ATOSA: variants seen among roughly 807,000 people sequenced by gnomAD.
ATOSA encodes atos homolog protein A.
chr15:52,610,296 A>G, the ATOSA span: 10 of 1,613,928 alleles, frequency 6.2e-6, no homozygotes, highest in African/African-American at 6.7e-5. Flanking sequence ...TCAAGGCAAC[A>G]TTGTGAGAAA....
the ATOSA span, among the ~76,000 whole-genome samples, chr15:52,633,608 A>G: frequency 2.6e-4 from 39 of 152,288 alleles, 2 homozygotes; most frequent in South Asian, 7.9e-3. Flanking sequence ...AGAAATGGAG[A>G]GCAGTGAAAG....
chr15:52,665,717 C>G, the ATOSA span, among the ~76,000 whole-genome samples: 4 of 151,916 alleles, frequency 2.6e-5, no homozygotes, highest in Non-Finnish European at 5.9e-5. Flanking sequence ...TTATACTAGC[C>G]AAAACTTGAA....
chr15:52,708,321 G>A, the ATOSA span, among the ~76,000 whole-genome samples: 3 of 152,122 alleles, frequency 2.0e-5, no homozygotes, highest in South Asian at 2.1e-4. Context: ...TAGCCCCAGT[G>A]TCAAGGCTGC....
chr15:52,709,420 C>A, the ATOSA span, among the ~76,000 whole-genome samples: 1 of 152,112 alleles, frequency 6.6e-6, no homozygotes, highest in Admixed American at 6.6e-5. Context: ...CTGAACTTTA[C>A]CCCAAAGCTC....
chr15:52,692,955 A>T, the ATOSA span, among the ~76,000 whole-genome samples: 14 of 151,966 alleles, frequency 9.2e-5, 1 homozygote, highest in Admixed American at 9.2e-4. Flanking sequence ...CTGGCACAAA[A>T]CTCTCTTACA....
chr15:52,595,023 T>C, the ATOSA span, among the ~76,000 whole-genome samples: 14,278 of 152,234 alleles, frequency 0.094, 1,025 homozygotes, highest in East Asian at 0.35. Flanking sequence ...CTTTCCAACA[T>C]TGCCATGCTC....
the ATOSA span, among the ~76,000 whole-genome samples, chr15:52,634,015 A>G: frequency 6.6e-6 from 1 of 152,196 alleles, no homozygotes; most frequent in Non-Finnish European, 1.5e-5. Context: ...ATAACAAGTT[A>G]AAAATAATGT....
the ATOSA span, chr15:52,609,309 C>T: frequency 6.2e-7 from 1 of 1,613,828 alleles, no homozygotes; most frequent in African/African-American, 1.3e-5. Context: ...AGGACTCATC[C>T]TTATTTTTCT....
chr15:52,591,538 T>G, the ATOSA span, among the ~76,000 whole-genome samples: 1 of 152,222 alleles, frequency 6.6e-6, no homozygotes, highest in East Asian at 1.9e-4. Context: ...TATGAGCCAC[T>G]GTGCCTGGCC....
At chr15:52,594,660 A>G in the ATOSA span, among the ~76,000 whole-genome samples, 3 of 152,036 alleles carry the variant, frequency 2.0e-5, no homozygotes, top group South Asian at 2.1e-4. Flanking sequence ...TTGCCCTCTA[A>G]TCAATCCAAT....
chr15:52,606,946 G>A, the ATOSA span, among the ~76,000 whole-genome samples: 1 of 152,066 alleles, frequency 6.6e-6, no homozygotes, highest in Non-Finnish European at 1.5e-5. Flanking sequence ...GGAAAGTGAA[G>A]CCTAATGATT....
the ATOSA span, among the ~76,000 whole-genome samples, chr15:52,690,724 G>A: frequency 2.0e-5 from 3 of 152,204 alleles, no homozygotes; most frequent in East Asian, 1.9e-4. Flanking sequence ...CAGTGGTAAT[G>A]TGCCACCTGT....
chr15:52,589,473 T>TTTA, the ATOSA span, among the ~76,000 whole-genome samples: 1 of 152,162 alleles, frequency 6.6e-6, no homozygotes. Context: ...TACTACCAAG[T>TTTA]TTATACTTGT....
chr15:52,652,073 G>A, the ATOSA span: 10 of 1,446,874 alleles, frequency 6.9e-6, no homozygotes, highest in Non-Finnish European at 9.0e-6. Flanking sequence ...GAGTAAGAGC[G>A]CACATAGCAA....
chr15:52,655,548 A>T, the ATOSA span, among the ~76,000 whole-genome samples: 1 of 152,138 alleles, frequency 6.6e-6, no homozygotes, highest in Non-Finnish European at 1.5e-5. Context: ...CCTAGCTCTG[A>T]TCAGCTTTTT....
At chr15:52,705,996 C>T in the ATOSA span, among the ~76,000 whole-genome samples, 2 of 152,068 alleles carry the variant, frequency 1.3e-5, no homozygotes, top group African/African-American at 2.4e-5. Flanking sequence ...ACATTTGGGT[C>T]ATTTCCAGTT....
the ATOSA span, chr15:52,648,515 A>G: frequency 6.6e-6 from 1 of 152,142 alleles, no homozygotes; most frequent in African/African-American, 2.4e-5. Flanking sequence ...AATATACAAT[A>G]ATTATTAACT....
At chr15:52,620,189 G>C in the ATOSA span, among the ~76,000 whole-genome samples, 1 of 152,234 alleles carries the variant, frequency 6.6e-6, no homozygotes, top group Non-Finnish European at 1.5e-5. Context: ...AGACAAAATA[G>C]ACTAAGAAGT....
the ATOSA span, chr15:52,649,592 C>CA: frequency 6.6e-6 from 1 of 151,574 alleles, no homozygotes; most frequent in Non-Finnish European, 1.5e-5. Context: ...TATAAAGAGG[C>CA]AAAAACAAAA....
Sources: allele counts gnomAD v4.1 joint callset (sites outside exome capture counted in the v4.1 genomes callset), GRCh38; gene constraint gnomAD v4.1.1; transcripts MANE v1.5; gene names NCBI Gene and HGNC (gene_info 2026-07-23, HGNC 2026-07-21).